Variants in CERS3 observed in about 807,000 individuals in gnomAD.
The protein encoded by CERS3 is ceramide synthase 3.
In CERS3, 33 loss-of-function variants were observed where a neutral mutation model predicts 50.3. The ratio of observed to expected loss-of-function variants is 0.66; its 90% confidence interval spans 0.50 to 0.88. The LOEUF (loss-of-function observed/expected upper bound fraction) is 0.88, where lower values mean the gene tolerates loss of function less well. CERS3 is among the 40% of genes least tolerant of loss of function. The pLI is 0.00. For synonymous variants in CERS3, 176 were observed against 155.2 expected (o/e 1.13, Z -0.99); for missense variants, 470 against 460.3 (o/e 1.02, Z -0.19).
intron 11 of CERS3, among the ~76,000 whole-genome samples, chr15:100,430,507 T>C (rs2033072103): frequency 1.3e-5 from 2 of 152,222 alleles, no homozygotes; most frequent in African/African-American, 2.4e-5. Context: ...GTGCTGTGTT[T>C]TTGAAGTGCT....
In CERS3 at chr15:100,479,348, G is replaced by T. The variant is rs117669769; in HGVS notation, c.516+80C>A. 619 of 1,071,698 alleles carry T rather than the reference G, an allele frequency of 5.8e-4. 9 individuals carry two copies. The East Asian group carries it at 0.014, about 24-fold the overall frequency. The allele number at this position is 1,071,698 out of a possible 1,614,324, so 66.4% of individuals were successfully genotyped here. A position where few individuals can be genotyped will look rare whatever the true frequency, so the allele number is the denominator to read the frequency against. The stretch of plus-strand genomic sequence containing the variant: ...ACAGTAGTGAACAAAGAGTAGCAGG[G>T]GACCAAGACGTAACTAAGGAGATAA... On this transcript the variant is annotated intron_variant, in intron 7 of 11. Coordinates refer to ENST00000679737, the MANE Select transcript of CERS3 (RefSeq NM_001378789.1).
chr15:100,537,650 A>G (rs1372565861), intron 1 of CERS3, among the ~76,000 whole-genome samples: 1 of 152,222 alleles, frequency 6.6e-6, no homozygotes, highest in African/African-American at 2.4e-5. Flanking sequence ...AACTGCCCTC[A>G]TGATTCAATT....
intron 2 of CERS3, among the ~76,000 whole-genome samples, chr15:100,509,964 A>G (rs2036292100): frequency 6.6e-6 from 1 of 152,140 alleles, no homozygotes; most frequent in Non-Finnish European, 1.5e-5. Context: ...AGGGTCGGGT[A>G]AACATGTTTA....
chr15:100,427,636 C>T (rs1458606136), intron 11 of CERS3, among the ~76,000 whole-genome samples: 2 of 152,188 alleles, frequency 1.3e-5, no homozygotes, highest in East Asian at 3.9e-4. Context: ...GTGTGCTGCA[C>T]AAACATCAAT....
intron 11 of CERS3, among the ~76,000 whole-genome samples, chr15:100,440,042 CAAGCCTGT>C (rs2033610930): frequency 6.6e-6 from 1 of 152,204 alleles, no homozygotes; most frequent in Non-Finnish European, 1.5e-5. Context: ...AGATCCTTTT[CAAGCCTGT>C]AATTATTGTC....
At chr15:100,540,886 T>C (rs1362123564) in intron 1 of CERS3, among the ~76,000 whole-genome samples, 1 of 152,236 alleles carries the variant, frequency 6.6e-6, no homozygotes, top group Non-Finnish European at 1.5e-5. Context: ...TCTCCCCCTT[T>C]GTTTCAAGCT....
intron 2 of CERS3, among the ~76,000 whole-genome samples, chr15:100,509,510 C>A (rs1453641551): frequency 1.3e-5 from 2 of 152,146 alleles, no homozygotes; most frequent in South Asian, 2.1e-4. Flanking sequence ...AGACAGACAG[C>A]AGGAACAAGA....
rs190903379 is a variant in CERS3 at position 100,499,214 on chromosome 15, T to C, written c.173+2463A>G. Reference sequence around the variant, plus strand: ...GGACTCTTCTGGGACCATGATTTACTCTGAGACAATGTGTTTATTCCATGA... The same window carrying C: ...GGACTCTTCTGGGACCATGATTTACCCTGAGACAATGTGTTTATTCCATGA... On this transcript the variant is annotated intron_variant, in intron 3 of 11. Transcript: ENST00000679737. Among the ~76,000 whole-genome samples, 5 of 152,332 alleles carry C rather than the reference T, an allele frequency of 3.3e-5. No homozygotes were observed. In the East Asian group the frequency reaches 9.7e-4, roughly 29 times the overall value.
chr15:100,426,071 A>T (rs2032794927), intron 11 of CERS3: 1 of 152,456 alleles, frequency 6.6e-6, no homozygotes, highest in Non-Finnish European at 1.5e-5. Context: ...TTACCTGTAC[A>T]GCCTGCAGAA....
At chr15:100,481,979 G>A (rs763352904) in intron 5 of CERS3, among the ~76,000 whole-genome samples, 4 of 152,158 alleles carry the variant, frequency 2.6e-5, no homozygotes, top group Non-Finnish European at 5.9e-5. Context: ...CTGATGAAAC[G>A]TGCGCTTGTG....
intron 10 of CERS3, among the ~76,000 whole-genome samples, chr15:100,461,118 G>A (rs2034535393): frequency 6.6e-6 from 1 of 152,154 alleles, no homozygotes; most frequent in African/African-American, 2.4e-5. Context: ...AGCTTGGCTG[G>A]TTTTAGAAAG....
At chr15:100,438,886 T>G (rs896362355) in intron 11 of CERS3, among the ~76,000 whole-genome samples, 6 of 152,208 alleles carry the variant, frequency 3.9e-5, no homozygotes, top group African/African-American at 1.4e-4. Context: ...AAGAAGAGAA[T>G]AAAAGCTTAA....
intron 11 of CERS3, among the ~76,000 whole-genome samples, chr15:100,436,477 G>T (rs563963025): frequency 1.3e-5 from 2 of 152,184 alleles, no homozygotes; most frequent in South Asian, 2.1e-4. Flanking sequence ...TATCGGGGCT[G>T]GGGGGCAAGG....
At chr15:100,453,383 G>A (rs1340912321) in intron 11 of CERS3, among the ~76,000 whole-genome samples, 1 of 152,144 alleles carries the variant, frequency 6.6e-6, no homozygotes, top group South Asian at 2.1e-4. Flanking sequence ...TACATCGACA[G>A]AATGTAGAAT....
chr15:100,455,567 C>T (rs574624876), intron 11 of CERS3, among the ~76,000 whole-genome samples: 1 of 152,034 alleles, frequency 6.6e-6, no homozygotes, highest in Non-Finnish European at 1.5e-5. Flanking sequence ...TAAATATGCA[C>T]AAATATTACA....
rs1392439191 is a variant in CERS3, at chr15:100,402,035, T to C, written c.*678A>G. The C allele has an allele frequency of 1.3e-5, 2 of 152,256 alleles. No homozygotes were observed. Among genetic ancestry groups the C allele is most frequent in the South Asian group, 2.1e-4 (1 of 4,834 alleles). The allele number at this position is 152,256 out of a possible 1,614,324, so 9.4% of individuals were successfully genotyped here. ...AGGAATTTTTAAAGATTCTGCCTTT[T>C]GTTCAGGCCCATTGCAGTGCCATGT... On this transcript the variant is annotated 3_prime_UTR_variant, in exon 12 of 12. Transcript: ENST00000679737.
At chr15:100,502,251 G>GAAAAAAAAAAAAAAAAAAAAAAAAA (rs58654483) in intron 2 of CERS3, among the ~76,000 whole-genome samples, 4 of 113,696 alleles carry the variant, frequency 3.5e-5, no homozygotes, top group East Asian at 2.5e-4. Context: ...CTCAAAAAAA[G>GAAAAAAAAAAAAAAAAAAAAAAAAA]AAAAAAAAAA....
intron 11 of CERS3, among the ~76,000 whole-genome samples, chr15:100,446,269 A>G (rs983409543): frequency 6.9e-6 from 1 of 145,946 alleles, no homozygotes; most frequent in Admixed American, 7.1e-5. Context: ...ATTCAATGAA[A>G]GTTTTTTTTT....
At chr15:100,471,704 G>A (rs887544417) in intron 9 of CERS3, among the ~76,000 whole-genome samples, 13 of 152,204 alleles carry the variant, frequency 8.5e-5, no homozygotes, top group Non-Finnish European at 1.5e-5. Flanking sequence ...TAAGTCATTT[G>A]TTGCCCTGAA....
Sources: gnomAD v4.1 joint callset for allele counts (sites outside exome capture counted in the v4.1 genomes callset) on GRCh38, gnomAD v4.1.1 for gene constraint, MANE v1.5 for transcripts, NCBI Gene and HGNC (gene_info 2026-07-23, HGNC 2026-07-21) for gene names.